Variants in HLCS observed in about 807,000 individuals in gnomAD.
HLCS encodes the protein holocarboxylase synthetase.
In HLCS, 53 loss-of-function variants were observed where a neutral mutation model predicts 75.0. The observed-to-expected ratio is 0.71, with a 90% CI of 0.57 to 0.89. The LOEUF (loss-of-function observed/expected upper bound fraction) is 0.89. Ranked by LOEUF, HLCS falls within the 40% of genes least tolerant of loss-of-function variation. The pLI, the probability that HLCS is intolerant of heterozygous loss-of-function variation, is 0.00. For synonymous variants in HLCS, 431 were observed against 428.6 expected, an observed-to-expected ratio of 1.01 and a Z score of -0.07; for missense variants, 966 against 1,074.0, an observed-to-expected ratio of 0.90 and a Z score of 1.41.
chr21:36,988,603 G>A (rs2069272489), intron 1 of HLCS, among the ~76,000 whole-genome samples: 1 of 152,180 alleles, frequency 6.6e-6, no homozygotes, highest in African/African-American at 2.4e-5. Context: ...AGGGGTAAAT[G>A]CATATGTAGT....
chr21:36,958,702 T>C (rs1346541777), intron 2 of HLCS, among the ~76,000 whole-genome samples: 1 of 151,978 alleles, frequency 6.6e-6, no homozygotes. Flanking sequence ...GGCAGGAGAA[T>C]TGCTTGAACC....
At chr21:36,924,749 G>A (rs1404811460) in intron 5 of HLCS, among the ~76,000 whole-genome samples, 1 of 152,062 alleles carries the variant, frequency 6.6e-6, no homozygotes, top group African/African-American at 2.4e-5. Context: ...CAAAGACGAG[G>A]AATTATCCCT....
chr21:36,937,316 C>CTCAA lies in HLCS; in HGVS notation c.569_570insTTGA (p.Lys191Ter), dbSNP rs1569218880. The CTCAA allele has an allele frequency of 6.8e-6, 11 of 1,613,986 alleles. No homozygotes were observed. Among genetic ancestry groups the CTCAA allele is most frequent in the Middle Eastern group, 1.6e-4 (1 of 6,084 alleles). On this transcript the variant is annotated stop_gained and frameshift_variant, in exon 4 of 11. Transcript: ENST00000674895. LOFTEE classifies it high-confidence loss of function. Reference sequence around the variant, plus strand: ...TAATCTCAAGAGAAGGTTCAGGCTTCGGCTCTAGGATCTGGGCTTGCTTGT... The same window carrying CTCAA: ...TAATCTCAAGAGAAGGTTCAGGCTTCTCAAGGCTCTAGGATCTGGGCTTGCTTGT...
intron 2 of HLCS, among the ~76,000 whole-genome samples, chr21:36,958,260 A>C (rs1250301050): frequency 2.6e-5 from 4 of 151,128 alleles, no homozygotes; most frequent in African/African-American, 9.7e-5. Context: ...AAAAAAAGAA[A>C]GAAAGAAAGA....
rs1601249048 is a variant in HLCS, at chr21:36,788,107, A to G, written c.1893-20822T>C. Among the ~76,000 whole-genome samples the G allele has an allele frequency of 3.9e-5, 6 of 152,390 alleles. No homozygotes were observed. The South Asian group carries it at 1.2e-3, about 32-fold the overall frequency. On this transcript the variant is annotated intron_variant, in intron 6 of 10. Coordinates refer to ENST00000674895, the MANE Select transcript of HLCS (RefSeq NM_001352514.2). ...CCACTCCCCACAAAAGATTAAAACC[A>G]AGATGTTTCCTAGAGGTGGCATTTT...
intron 5 of HLCS, among the ~76,000 whole-genome samples, chr21:36,904,115 A>C (rs1328537928): frequency 6.6e-6 from 1 of 152,220 alleles, no homozygotes; most frequent in African/African-American, 2.4e-5. Flanking sequence ...GCCCAATCTC[A>C]GGTATTCTGT....
chr21:36,772,876 G>A (rs2060250684), intron 6 of HLCS, among the ~76,000 whole-genome samples: 1 of 151,142 alleles, frequency 6.6e-6, no homozygotes, highest in African/African-American at 2.4e-5. Context: ...AGCTACTCGA[G>A]AGGCTGAGGC....
At position 36,750,438 on chromosome 21, in the gene HLCS, C is replaced by T. The variant is rs934410256; in HGVS notation, c.*3808G>A. Among the ~76,000 whole-genome samples, 3 of 152,130 alleles carry T rather than the reference C, an allele frequency of 2.0e-5. No individual in the cohort carries two copies. The highest frequency in any genetic ancestry group is 3.2e-3 in the Middle Eastern group (1 of 316). On this transcript the variant is annotated 3_prime_UTR_variant, in exon 11 of 11. Transcript: ENST00000674895. ...GCAGTGGGCTGGGTGTGGAGGGCAGCGCGGAGGGTATCTGCAAGAGCCTGT... is the reference window on the plus strand; with the variant it reads ...GCAGTGGGCTGGGTGTGGAGGGCAGTGCGGAGGGTATCTGCAAGAGCCTGT...
intron 6 of HLCS, among the ~76,000 whole-genome samples, chr21:36,835,428 C>T (rs2062375777): frequency 6.6e-6 from 1 of 152,224 alleles, no homozygotes; most frequent in Admixed American, 6.5e-5. Flanking sequence ...AAATCCAGAG[C>T]ATATGTCAAA....
At chr21:36,926,159 C>G (rs1488729617) in intron 5 of HLCS, among the ~76,000 whole-genome samples, 2 of 152,128 alleles carry the variant, frequency 1.3e-5, no homozygotes, top group Admixed American at 1.3e-4. Flanking sequence ...TGGAGAGGTC[C>G]CCATATATAT....
At chr21:36,832,240 A>T (rs1295555084) in intron 6 of HLCS, among the ~76,000 whole-genome samples, 1 of 152,224 alleles carries the variant, frequency 6.6e-6, no homozygotes, top group Non-Finnish European at 1.5e-5. Context: ...AAGGGCAAAA[A>T]GGTAGAAGAG....
At chr21:36,926,360 C>T (rs1342746914) in intron 5 of HLCS, among the ~76,000 whole-genome samples, 2 of 152,180 alleles carry the variant, frequency 1.3e-5, no homozygotes, top group African/African-American at 4.8e-5. Context: ...ACAAGAGTCA[C>T]GTGTTTTACT....
intron 6 of HLCS, among the ~76,000 whole-genome samples, chr21:36,819,361 T>G (rs1019250380): frequency 6.6e-6 from 1 of 152,208 alleles, no homozygotes; most frequent in Non-Finnish European, 1.5e-5. Context: ...CCCACTTTGT[T>G]TCCACGCTTC....
intron 2 of HLCS, chr21:36,944,246 T>C (rs1303013895): frequency 1.3e-5 from 2 of 152,154 alleles, no homozygotes; most frequent in Non-Finnish European, 2.9e-5. Flanking sequence ...TCAAAAACAT[T>C]ATGTTGAGTG....
At chr21:36,848,421 C>T (rs1466795155) in intron 6 of HLCS, among the ~76,000 whole-genome samples, 1 of 152,006 alleles carries the variant, frequency 6.6e-6, no homozygotes, top group Non-Finnish European at 1.5e-5. Context: ...AGGCACGCCC[C>T]ACCACGCCCA....
chr21:36,923,847 T>C (rs2066283335), intron 5 of HLCS, among the ~76,000 whole-genome samples: 1 of 152,092 alleles, frequency 6.6e-6, no homozygotes, highest in Non-Finnish European at 1.5e-5. Flanking sequence ...TCAGTCAAAA[T>C]GAACAAAAAA....
At chr21:36,774,029 CA>C (rs1352005368) in intron 6 of HLCS, among the ~76,000 whole-genome samples, 3 of 152,018 alleles carry the variant, frequency 2.0e-5, no homozygotes, top group Non-Finnish European at 2.9e-5. Context: ...CAGGAATGCA[CA>C]AGATTGTTTT....
chr21:36,982,355 G>A (rs1413146265), intron 1 of HLCS, among the ~76,000 whole-genome samples: 1 of 152,206 alleles, frequency 6.6e-6, no homozygotes, highest in African/African-American at 2.4e-5. Flanking sequence ...TTCTCTGGGT[G>A]TGGACCCATT....
intron 1 of HLCS, chr21:36,974,772 G>A (rs1294456528): frequency 6.6e-6 from 1 of 152,230 alleles, no homozygotes; most frequent in Non-Finnish European, 1.5e-5. Flanking sequence ...TCCAAGCCAA[G>A]GAGAGAGGCC....
Sources: allele counts gnomAD v4.1 joint callset (sites outside exome capture counted in the v4.1 genomes callset), GRCh38; gene constraint gnomAD v4.1.1; transcripts MANE v1.5; gene names NCBI Gene and HGNC (gene_info 2026-07-23, HGNC 2026-07-21).